BBS7: variants seen among roughly 807,000 people sequenced by gnomAD.
BBS7 encodes the protein BBSome complex member BBS7.
BBS7 carries 50 observed loss-of-function variants against 90.3 expected under a neutral mutation model. The ratio of observed to expected loss-of-function variants is 0.55; its 90% CI spans 0.44 to 0.70. BBS7 has a LOEUF of 0.70. Among genes scored for constraint, BBS7 ranks in the 30% least tolerant of loss-of-function variants. The pLI, the probability that BBS7 is intolerant of heterozygous loss-of-function variation, is 0.00. For missense variants in BBS7, 729 were observed against 838.9 expected (o/e 0.87, Z 1.62); for synonymous variants, 235 against 287.4 (o/e 0.82, Z 1.85).
At chr4:121,848,094 C>T (rs151317830) in intron 9 of BBS7, among the ~76,000 whole-genome samples, 1 of 151,990 alleles carries the variant, frequency 6.6e-6, no homozygotes, top group Non-Finnish European at 1.5e-5. Flanking sequence ...AAGTATTATT[C>T]AAATATCAAC....
chr4:121,838,830 G>T (rs2149060980), intron 13 of BBS7, among the ~76,000 whole-genome samples: 1 of 151,426 alleles, frequency 6.6e-6, no homozygotes, highest in African/African-American at 2.4e-5. Context: ...GGGAAGTGGA[G>T]GATGCGGTGA....
At chr4:121,837,888 T>C (rs1307550977) in intron 13 of BBS7, among the ~76,000 whole-genome samples, 1 of 152,180 alleles carries the variant, frequency 6.6e-6, no homozygotes, top group Non-Finnish European at 1.5e-5. Context: ...GTGGATCAAC[T>C]GAGGTCAGGA....
intron 8 of BBS7, among the ~76,000 whole-genome samples, chr4:121,852,044 TA>T (rs1412864288): frequency 1.3e-5 from 2 of 152,230 alleles, no homozygotes; most frequent in Non-Finnish European, 2.9e-5. Flanking sequence ...TTTCTAAGCC[TA>T]AACTATTACC....
At chr4:121,848,985 T>G (rs886520006) in intron 8 of BBS7, 57 bp from the exon 9 acceptor site, 9 of 1,316,036 alleles carry the variant, frequency 6.8e-6, no homozygotes, top group Admixed American at 5.0e-5. Flanking sequence ...ACAGATATAT[T>G]AAAATAAGCC....
chr4:121,848,782 A>T, intron 9 of BBS7, 62 bp downstream of exon 9: 1 of 1,347,038 alleles, frequency 7.4e-7, no homozygotes, highest in Non-Finnish European at 1.1e-6. Flanking sequence ...AAAGCAGTTT[A>T]TTAAATTTAA....
At chr4:121,861,475 A>G in intron 4 of BBS7, 29 bp downstream of exon 4, 1 of 1,599,348 alleles carries the variant, frequency 6.3e-7, no homozygotes, top group South Asian at 1.1e-5. Flanking sequence ...ATAAGTATGT[A>G]AAAATACAAA....
chr4:121,869,214 T>C (rs1239696812), intron 1 of BBS7, among the ~76,000 whole-genome samples: 3 of 152,086 alleles, frequency 2.0e-5, no homozygotes, highest in African/African-American at 7.2e-5. Context: ...CCCTAGAAAA[T>C]TGACTGGGCA....
At chr4:121,855,295 G>A (rs1726547708) in intron 6 of BBS7, 194 bp downstream of exon 6, 1 of 554,138 alleles carries the variant, frequency 1.8e-6, no homozygotes, top group Non-Finnish European at 3.3e-6. Flanking sequence ...GAGACAGAGT[G>A]AGACCCTGCC....
chr4:121,855,488 C>A lies in BBS7; in HGVS notation c.601+1G>T, dbSNP rs1272877615. 1 of 1,612,478 alleles carries A rather than the reference C, an allele frequency of 6.2e-7. No individual in the cohort carries two copies. The highest frequency in any genetic ancestry group is 1.3e-5 in the African/African-American group (1 of 74,996). On this transcript the variant is annotated splice_donor_variant, in intron 6 of 18. Transcript: ENST00000264499. LOFTEE classifies it high-confidence loss of function. ...TTTGTGAAAAATAAAATCCTGATTA[C>A]CGCCATTTCCATTGTGTAGTGCTAA... is the stretch of plus-strand genomic sequence containing the variant.
chr4:121,826,062 G>T, intron 18 of BBS7, 69 bp from the exon 19 acceptor site: 1 of 1,274,386 alleles, frequency 7.8e-7, no homozygotes, highest in Non-Finnish European at 1.1e-6. Context: ...TTTCACTAAA[G>T]TAATTGCTTG....
At chr4:121,842,564 A>G (rs930468481) in intron 12 of BBS7, among the ~76,000 whole-genome samples, 10 of 151,960 alleles carry the variant, frequency 6.6e-5, no homozygotes, top group African/African-American at 2.4e-4. Flanking sequence ...TGAGCCAAGG[A>G]GGTCGAGGCT....
chr4:121,845,805 GGTTGA>G (rs1367743655), intron 10 of BBS7, 109 bp from the exon 11 acceptor site: 51 of 1,026,480 alleles, frequency 5.0e-5, no homozygotes, highest in Middle Eastern at 3.0e-4. Flanking sequence ...GGTTTTTATT[GGTTGA>G]GTTAATAAAA....
chr4:121,858,313 T>A (rs560509178), intron 5 of BBS7, among the ~76,000 whole-genome samples: 1 of 152,188 alleles, frequency 6.6e-6, no homozygotes, highest in Admixed American at 6.5e-5. Flanking sequence ...TCTGATACAG[T>A]TCATCTAACT....
chr4:121,853,317 C>T (rs978886718), intron 7 of BBS7, among the ~76,000 whole-genome samples: 2 of 152,204 alleles, frequency 1.3e-5, no homozygotes, highest in South Asian at 4.1e-4. Flanking sequence ...CAGCTCTGGC[C>T]AAAGCTCCAG....
chr4:121,853,245 T>C (rs1360586409), intron 7 of BBS7, among the ~76,000 whole-genome samples, 159 bp from the exon 8 acceptor site: 2 of 152,206 alleles, frequency 1.3e-5, no homozygotes, highest in African/African-American at 4.8e-5. Context: ...TCCACATTCA[T>C]CTATTTCCAG....
Position 121,861,575 on chromosome 4 carries a change from A to G in BBS7, c.270T>C (p.Ile90=), listed in dbSNP as rs199806762. ...EKIFIAAASE[I]RGFTKRGKQF... is the part of the protein sequence containing the mutation. The stretch of plus-strand genomic sequence containing the variant: ...GTTTTCCTCTTTTTGTGAAGCCTCT[A>G]ATCTCAGATGCTGCAGCAATAAAAA... Residue 90 remains isoleucine, a synonymous_variant, in exon 4 of 19, where the codon ATT becomes ATC. Coordinates refer to ENST00000264499, the MANE Select transcript of BBS7 (RefSeq NM_176824.3). 1 of 1,613,834 alleles carries G rather than the reference A, an allele frequency of 6.2e-7. No homozygotes were observed. Among genetic ancestry groups the G allele is most frequent in the Admixed American group, 1.7e-5 (1 of 60,012 alleles).
At chr4:121,870,101 C>T (rs1276058371) in intron 1 of BBS7, among the ~76,000 whole-genome samples, 177 bp downstream of exon 1, 2 of 152,168 alleles carry the variant, frequency 1.3e-5, no homozygotes, top group Non-Finnish European at 2.9e-5. Context: ...CCCCTCGGAC[C>T]GTCACAGACG....
rs577714616 is a variant in BBS7, at chr4:121,827,117, AC to A, written c.2014+1028del. On this transcript the variant is annotated intron_variant, in intron 18 of 18. Coordinates refer to ENST00000264499, the MANE Select transcript of BBS7 (RefSeq NM_176824.3). ...TTATTTATGAAAAAAACTTTGGTTT[AC>A]AAAGCTGTCTGGATTTTGCAATCAG... Among the ~76,000 whole-genome samples, 39 of 152,390 alleles carry A rather than the reference AC, an allele frequency of 2.6e-4. 1 individual carries two copies. In the South Asian group the frequency reaches 2.9e-3, roughly 11 times the overall value.
intron 4 of BBS7, among the ~76,000 whole-genome samples, chr4:121,860,570 C>T (rs1726919854): frequency 6.6e-6 from 1 of 152,052 alleles, no homozygotes; most frequent in African/African-American, 2.4e-5. Flanking sequence ...TATAACTGTC[C>T]GAATGTAGAG....
Sources: allele counts gnomAD v4.1 joint callset (sites outside exome capture counted in the v4.1 genomes callset), GRCh38; gene constraint gnomAD v4.1.1; transcripts MANE v1.5; gene names NCBI Gene and HGNC (gene_info 2026-07-23, HGNC 2026-07-21).